Variants in CAMSAP2 observed in about 807,000 individuals in gnomAD.
CAMSAP2 encodes calmodulin-regulated spectrin-associated protein 2.
A neutral mutation model predicts 146.1 loss-of-function variants in CAMSAP2; 26 were observed. That is an observed-to-expected ratio of 0.18 (90% CI 0.13 to 0.25). The LOEUF is 0.25. Among genes scored for constraint, CAMSAP2 ranks in the 10% least tolerant of loss-of-function variants. The probability of loss-of-function intolerance (pLI) is 1.00; values close to 1 mark genes in which losing one functional copy is unlikely to be tolerated. For synonymous variants in CAMSAP2, 499 were observed against 596.6 expected (o/e 0.84, Z 2.38); for missense variants, 1,381 against 1,759.3 (o/e 0.78, Z 3.85).
chr1:200,854,476 T>C (rs536381541), intron 13 of CAMSAP2, among the ~76,000 whole-genome samples: 41 of 152,332 alleles, frequency 2.7e-4, no homozygotes, highest in African/African-American at 9.1e-4. Flanking sequence ...ATTGATATAA[T>C]TTTCTACCTA....
At chr1:200,836,092 T>A (rs1023307228) in intron 6 of CAMSAP2, among the ~76,000 whole-genome samples, 2 of 152,132 alleles carry the variant, frequency 1.3e-5, no homozygotes, top group African/African-American at 2.4e-5. Context: ...TTTTTTTTTT[T>A]AATTCAATCT....
intron 3 of CAMSAP2, among the ~76,000 whole-genome samples, 166 bp from the exon 4 acceptor site, chr1:200,815,395 A>AT (rs1163824886): frequency 3.3e-5 from 5 of 151,918 alleles, no homozygotes; most frequent in African/African-American, 9.7e-5. Flanking sequence ...CCCATAAACT[A>AT]TTTTTTTCTG....
intron 2 of CAMSAP2, among the ~76,000 whole-genome samples, chr1:200,778,054 A>G (rs1182765075): frequency 6.6e-6 from 1 of 152,220 alleles, no homozygotes; most frequent in African/African-American, 2.4e-5. Flanking sequence ...CCTGGGCAAC[A>G]TAGTGAGAAC....
chr1:200,786,912 A>T (rs1487709377), intron 2 of CAMSAP2, among the ~76,000 whole-genome samples: 1 of 152,188 alleles, frequency 6.6e-6, no homozygotes, highest in Non-Finnish European at 1.5e-5. Context: ...TGCTAAATTG[A>T]CTATGCCTGT....
intron 2 of CAMSAP2, among the ~76,000 whole-genome samples, chr1:200,765,547 A>G (rs1173584570): frequency 1.3e-5 from 2 of 152,060 alleles, no homozygotes; most frequent in Non-Finnish European, 2.9e-5. Flanking sequence ...TGTTCTATGT[A>G]TCCAGCTGAC....
chr1:200,809,273 T>G (rs1666263347), intron 3 of CAMSAP2, among the ~76,000 whole-genome samples: 1 of 152,212 alleles, frequency 6.6e-6, no homozygotes. Flanking sequence ...TTGCCTTTCT[T>G]TTGTCCTACT....
intron 10 of CAMSAP2, 37 bp downstream of exon 10, chr1:200,847,746 A>G: frequency 6.6e-7 from 1 of 1,510,820 alleles, no homozygotes; most frequent in Non-Finnish European, 9.1e-7. Context: ...TATTCAGATT[A>G]TTAAGAAATG....
At chr1:200,798,063 T>C (rs1320248519) in intron 2 of CAMSAP2, among the ~76,000 whole-genome samples, 2 of 150,364 alleles carry the variant, frequency 1.3e-5, no homozygotes, top group South Asian at 4.2e-4. Flanking sequence ...CATGCTGTTT[T>C]GGTTACTGTA....
At chr1:200,743,225 A>G (rs938467181) in intron 1 of CAMSAP2, among the ~76,000 whole-genome samples, 2 of 152,204 alleles carry the variant, frequency 1.3e-5, no homozygotes, top group Non-Finnish European at 2.9e-5. Context: ...ACCTCTTGTG[A>G]CACTCTTACT....
chr1:200,818,615 T>G (rs1470623224), intron 4 of CAMSAP2, among the ~76,000 whole-genome samples: 4 of 152,026 alleles, frequency 2.6e-5, no homozygotes, highest in Non-Finnish European at 4.4e-5. Context: ...TAGGTTCAGG[T>G]GTTGTCATTA....
chr1:200,836,278 A>G (rs1474429124), intron 6 of CAMSAP2, among the ~76,000 whole-genome samples: 1 of 152,044 alleles, frequency 6.6e-6, no homozygotes, highest in Non-Finnish European at 1.5e-5. Flanking sequence ...ACTCGTGGAT[A>G]GTTTGCAGTT....
intron 1 of CAMSAP2, among the ~76,000 whole-genome samples, chr1:200,759,280 ATTTTTT>A (rs374473632): frequency 7.8e-6 from 1 of 128,894 alleles, no homozygotes; most frequent in Non-Finnish European, 1.6e-5. Flanking sequence ...CTGCTATTCT[ATTTTTT>A]TTTTTTTTTT....
intron 2 of CAMSAP2, among the ~76,000 whole-genome samples, chr1:200,774,513 T>G (rs546809643): frequency 6.6e-6 from 1 of 152,208 alleles, no homozygotes; most frequent in Non-Finnish European, 1.5e-5. Flanking sequence ...ACTGTTAGTT[T>G]GTGGTTAGCA....
rs1479477263 is a variant in CAMSAP2, at chr1:200,830,038, T to C, written c.646-2162T>C. Among the ~76,000 whole-genome samples, 5 of 152,354 alleles carry C rather than the reference T, an allele frequency of 3.3e-5. No homozygotes were observed. The East Asian group carries it at 9.6e-4, about 29-fold the overall frequency. ...AAAAATATAGGGGGTTCTTTCTAAA[T>C]GCCAAACTTCTTAGTTTGCAGAAAG... On this transcript the variant is annotated intron_variant, in intron 4 of 16. Coordinates refer to ENST00000358823, the MANE Select transcript of CAMSAP2 (RefSeq NM_203459.4).
At chr1:200,769,092 CT>C (rs1665040948) in intron 2 of CAMSAP2, among the ~76,000 whole-genome samples, 1 of 152,146 alleles carries the variant, frequency 6.6e-6, no homozygotes. Context: ...TAGTAGTTAA[CT>C]ACTGGAAGGT....
At chr1:200,803,319 T>C (rs904349690) in intron 2 of CAMSAP2, among the ~76,000 whole-genome samples, 4 of 152,304 alleles carry the variant, frequency 2.6e-5, no homozygotes, top group African/African-American at 9.6e-5. Flanking sequence ...GTTGTTTCAT[T>C]AAATTAATAC....
intron 1 of CAMSAP2, among the ~76,000 whole-genome samples, chr1:200,749,407 A>T (rs183852790): frequency 1.3e-5 from 2 of 151,298 alleles, no homozygotes; most frequent in Non-Finnish European, 2.9e-5. Context: ...TGAATTAAGG[A>T]CTCATGAATA....
intron 2 of CAMSAP2, among the ~76,000 whole-genome samples, chr1:200,796,030 G>A (rs1044687019): frequency 6.6e-6 from 1 of 152,176 alleles, no homozygotes; most frequent in Non-Finnish European, 1.5e-5. Flanking sequence ...ATATTGTTAA[G>A]ATTTTGAAAC....
intron 1 of CAMSAP2, among the ~76,000 whole-genome samples, chr1:200,741,363 G>A (rs1571703719): frequency 6.6e-6 from 1 of 152,190 alleles, no homozygotes. Flanking sequence ...AACACAAAGT[G>A]TTACTGCCTT....
Sources: gnomAD v4.1 joint callset for allele counts (sites outside exome capture counted in the v4.1 genomes callset) on GRCh38, gnomAD v4.1.1 for gene constraint, MANE v1.5 for transcripts, NCBI Gene and HGNC (gene_info 2026-07-23, HGNC 2026-07-21) for gene names.